The following POSTN variants were observed in gnomAD, a reference collection of about 807,000 sequenced individuals.
The protein encoded by POSTN is osteoblast specific factor 2 (fasciclin I-like).
Under a neutral mutation model 104.5 loss-of-function variants are expected in POSTN, and 71 were observed. The ratio of observed to expected loss-of-function variants is 0.68; its 90% confidence interval spans 0.56 to 0.83. POSTN has a LOEUF of 0.83. POSTN is among the 40% of genes least tolerant of loss of function. The pLI is 0.00. For missense variants in POSTN, 949 were observed against 1,006.8 expected (o/e 0.94, Z 0.78); for synonymous variants, 355 against 340.7 (o/e 1.04, Z -0.46).
At chr13:37,568,021 A>G (rs1398516692) in intron 21 of POSTN, among the ~76,000 whole-genome samples, 1 of 148,576 alleles carries the variant, frequency 6.7e-6, no homozygotes, top group South Asian at 2.1e-4. Context: ...AAAAAAAAAG[A>G]ATTCAATTTA....
At chr13:37,567,163 G>A (rs977657089) in intron 21 of POSTN, among the ~76,000 whole-genome samples, 1 of 131,934 alleles carries the variant, frequency 7.6e-6, no homozygotes, top group African/African-American at 2.9e-5. Flanking sequence ...GTGAACCCGG[G>A]AGGCGGAGCT....
rs140501611 is a variant in POSTN at position 37,587,895 on chromosome 13, T to A, written c.533A>T (p.Asp178Val). 17 of 1,601,694 alleles carry A rather than the reference T, an allele frequency of 1.1e-5. No homozygotes were observed. Among genetic ancestry groups the A allele is most frequent in the Admixed American group, 1.7e-5 (1 of 59,842 alleles). Reference sequence around the variant, plus strand: ...AGGAATAATCATGCCATTTTTTAAGTCCTTGGTCAACATTCTCTTATTAAT... The same window carrying A: ...AGGAATAATCATGCCATTTTTTAAGACCTTGGTCAACATTCTCTTATTAAT... The part of the protein sequence containing the change: ...HMINKRMLTK[D>V]LKNGMIIPSM... The change falls in exon 5 of 23, where the codon GAC becomes GTC. Residue 178 changes from aspartate to valine, a missense_variant. Transcript: ENST00000379747.
intron 4 of POSTN, 67 bp from the exon 5 acceptor site, chr13:37,588,053 C>T: frequency 8.1e-7 from 1 of 1,230,806 alleles, no homozygotes; most frequent in South Asian, 1.3e-5. Flanking sequence ...TTACGATCAC[C>T]CTATTTCTAC....
intron 15 of POSTN, 30 bp downstream of exon 15, chr13:37,578,814 A>AT: frequency 6.7e-7 from 1 of 1,490,986 alleles, no homozygotes; most frequent in African/African-American, 1.4e-5. Context: ...AAAAAAAAAA[A>AT]AAAGAAATAA....
intron 3 of POSTN, among the ~76,000 whole-genome samples, chr13:37,591,611 G>T (rs1382952050): frequency 2.0e-5 from 3 of 152,172 alleles, no homozygotes; most frequent in Non-Finnish European, 2.9e-5. Context: ...AGAGAAGGTA[G>T]CTGGAGGAAA....
In POSTN at chr13:37,586,130, T is replaced by C. The variant is rs776582493; in HGVS notation, c.895+9A>G. ...GGGAGACTCCTTAGAGATGAAGACA[T>C]TAAACTACCTTCGGAAGCCACTTTG... is the stretch of plus-strand genomic sequence containing the variant. On this transcript the variant is annotated intron_variant, in intron 7 of 22. Coordinates refer to ENST00000379747, the MANE Select transcript of POSTN (RefSeq NM_006475.3). The C allele has an allele frequency of 2.7e-5, 44 of 1,608,658 alleles. No homozygotes were observed. The highest frequency in any genetic ancestry group is 8.9e-5 in the East Asian group (4 of 44,842).
chr13:37,565,209 C>T (rs970490441), intron 21 of POSTN: 1 of 151,898 alleles, frequency 6.6e-6, no homozygotes, highest in Non-Finnish European at 1.5e-5. Context: ...TTAAGAACTG[C>T]AAGTGTTTCA....
At chr13:37,565,465 G>GT (rs1428893638) in intron 21 of POSTN, 8 of 151,960 alleles carry the variant, frequency 5.3e-5, no homozygotes, top group African/African-American at 7.2e-5. Flanking sequence ...ATGAAGTCCA[G>GT]TTTTTTCTAT....
chr13:37,579,021 G>T lies in POSTN; in HGVS notation c.1892C>A (p.Ala631Glu), dbSNP rs1345065398. Residue 631 changes from alanine (A) to glutamate (E), a missense_variant and splice_region_variant, in exon 14 of 23, where the codon GCA becomes GAA. By Grantham distance (107) the Ala-to-Glu change is moderately radical (BLOSUM62 -1). Coordinates refer to ENST00000379747, the MANE Select transcript of POSTN (RefSeq NM_006475.3). ...CAATGAGTTCAATAATTACAAACCT[G>T]CTGGATAGAGGAGTTTATCTACAAC... ...IHVVDKLLYP[A>E]DTPVGNDQLL... 2 of 1,612,510 alleles carry T rather than the reference G, an allele frequency of 1.2e-6. No individual in the cohort carries two copies. The highest frequency in any genetic ancestry group is 3.3e-5 in the Admixed American group (2 of 59,810).
intron 1 of POSTN, among the ~76,000 whole-genome samples, chr13:37,598,206 T>A (rs1951140343): frequency 6.6e-6 from 1 of 152,160 alleles, no homozygotes; most frequent in Non-Finnish European, 1.5e-5. Context: ...TTCTCTAACA[T>A]CATGTGAGAT....
chr13:37,569,200 TAACC>T, intron 21 of POSTN, 96 bp downstream of exon 21: 1 of 721,076 alleles, frequency 1.4e-6, no homozygotes, highest in Non-Finnish European at 2.3e-6. Flanking sequence ...TTTTTTTTTT[TAACC>T]CAATTAAAAG....
chr13:37,592,351 T>G (rs1309611437), intron 2 of POSTN, among the ~76,000 whole-genome samples, 187 bp from the exon 3 acceptor site: 1 of 152,096 alleles, frequency 6.6e-6, no homozygotes, highest in Non-Finnish European at 1.5e-5. Context: ...CAGGCTGGAG[T>G]GCAGTGGCGC....
chr13:37,570,676 G>T lies in POSTN; in HGVS notation c.2180-7C>A. ...TATTTTTTAATAATTGGCTCTAAAAGCAGGGGAATACAAATGCATTTGATT... is the reference window on the plus strand; with the variant it reads ...TATTTTTTAATAATTGGCTCTAAAATCAGGGGAATACAAATGCATTTGATT... On this transcript the variant is annotated splice_region_variant and splice_polypyrimidine_tract_variant and intron_variant, in intron 18 of 22. Transcript: ENST00000379747. The T allele has an allele frequency of 1.3e-6, 2 of 1,565,482 alleles. No individual in the cohort carries two copies. The highest frequency in any genetic ancestry group is 1.8e-6 in the Non-Finnish European group (2 of 1,136,632).
At chr13:37,577,005 T>G (rs1401806495) in intron 16 of POSTN, among the ~76,000 whole-genome samples, 1 of 152,086 alleles carries the variant, frequency 6.6e-6, no homozygotes, top group Non-Finnish European at 1.5e-5. Context: ...CTGATACACT[T>G]TGAGTGTTTA....
In POSTN at chr13:37,598,629, C is replaced by T. The variant is rs977561321; in HGVS notation, c.98G>A (p.Arg33His). 1.4e-5 allele frequency: 22 copies of T among 1,612,238 alleles called. No individual in the cohort carries two copies. Among genetic ancestry groups the T allele is most frequent in the Non-Finnish European group, 1.6e-5 (19 of 1,178,790 alleles). Residue 33 changes from arginine (R) to histidine (H), a missense_variant, in exon 1 of 23, where the codon CGT (arginine) becomes CAT (histidine). Coordinates refer to ENST00000379747, the MANE Select transcript of POSTN (RefSeq NM_006475.3). ...NHYDKILAHS[R>H]IRGRDQGPNV... ...TTACCCTTGGTCCCGACCCCTGATA[C>T]GACTATGAGCCAAGATCTTGTCATA...
intron 4 of POSTN, among the ~76,000 whole-genome samples, chr13:37,589,823 A>G (rs1441446762): frequency 1.3e-5 from 2 of 152,170 alleles, no homozygotes; most frequent in Non-Finnish European, 2.9e-5. Flanking sequence ...AGATTCGGAA[A>G]TTGAGTAATA....
chr13:37,581,048 G>A (rs978753818), intron 10 of POSTN, among the ~76,000 whole-genome samples: 5 of 152,008 alleles, frequency 3.3e-5, no homozygotes, highest in African/African-American at 1.2e-4. Context: ...TATCTGTAAG[G>A]TTTCCTCACT....
chr13:37,590,673 A>T, intron 3 of POSTN, 144 bp from the exon 4 acceptor site: 3 of 667,746 alleles, frequency 4.5e-6, no homozygotes. Flanking sequence ...ATTTTTATAT[A>T]AAAGTTATCT....
At position 37,587,985 on chromosome 13, in the gene POSTN, T is replaced by G; in HGVS notation, c.443A>C (p.Asp148Ala). ...GTTGCTCTCCAAACCTCTACGGATATCCTAGGAAAAATTGCAATGATAGAA... is the reference window on the plus strand; with the variant it reads ...GTTGCTCTCCAAACCTCTACGGATAGCCTAGGAAAAATTGCAATGATAGAA... The part of the protein sequence containing the change: ...SNEAWDNLDS[D>A]IRRGLESNVN... Residue 148 changes from aspartate to alanine, a missense_variant and splice_region_variant, in exon 5 of 23, where the codon GAT becomes GCT. Asp to Ala is a moderately radical substitution (Grantham distance 126). Coordinates refer to ENST00000379747, the MANE Select transcript of POSTN (RefSeq NM_006475.3). 6.3e-7 allele frequency: 1 copy of G among 1,587,282 alleles called. No homozygotes were observed. Among genetic ancestry groups the G allele is most frequent in the Non-Finnish European group, 8.6e-7 (1 of 1,163,288 alleles).
Sources: gnomAD v4.1 joint callset for allele counts (sites outside exome capture counted in the v4.1 genomes callset) on GRCh38, gnomAD v4.1.1 for gene constraint, MANE v1.5 for transcripts, NCBI Gene and HGNC (gene_info 2026-07-23, HGNC 2026-07-21) for gene names.